The following PLPPR1 variants were observed in gnomAD, a reference collection of about 807,000 sequenced individuals.
The protein encoded by PLPPR1 is phospholipid phosphatase-related protein type 1.
PLPPR1 carries 10 observed loss-of-function variants against 33.1 expected under a neutral mutation model. That is an observed-to-expected ratio of 0.30 (90% CI 0.19 to 0.51). PLPPR1 has a LOEUF of 0.51. PLPPR1 is among the 20% of genes least tolerant of loss of function. The probability of loss-of-function intolerance (pLI) is 0.97; values close to 1 mark genes in which losing one functional copy is unlikely to be tolerated. For missense variants in PLPPR1, 304 were observed against 408.1 expected, an observed-to-expected ratio of 0.74 and a Z score of 2.20; for synonymous variants, 151 against 151.0, an observed-to-expected ratio of 1.00 and a Z score of 0.00.
intron 4 of PLPPR1, among the ~76,000 whole-genome samples, chr9:101,300,014 A>G (rs1052358254): frequency 1.3e-5 from 2 of 152,134 alleles, no homozygotes; most frequent in African/African-American, 4.8e-5. Flanking sequence ...TTTTTTAAGT[A>G]TATTTCAAAG....
intron 2 of PLPPR1, among the ~76,000 whole-genome samples, chr9:101,230,369 A>G (rs1056697526): frequency 5.3e-5 from 8 of 152,106 alleles, no homozygotes; most frequent in African/African-American, 1.9e-4. Context: ...ATGGAAAGAC[A>G]CCCGTAAGGG....
chr9:101,141,030 T>C (rs758118656), intron 1 of PLPPR1, among the ~76,000 whole-genome samples: 32 of 152,248 alleles, frequency 2.1e-4, no homozygotes, highest in Non-Finnish European at 3.5e-4. Context: ...AATATGGAAG[T>C]TTCTGTTTGG....
At chr9:101,262,408 C>A (rs1166331509) in intron 2 of PLPPR1, among the ~76,000 whole-genome samples, 1 of 152,178 alleles carries the variant, frequency 6.6e-6, no homozygotes, top group Non-Finnish European at 1.5e-5. Flanking sequence ...CTCTTCCATT[C>A]TATTTCAGAG....
Position 101,029,005 on chromosome 9 carries a change from G to A in PLPPR1, c.-143G>A, listed in dbSNP as rs998166574. ...TCCCACGCAAGCGGAATGCAGCAGC[G>A]CCTGGAGAGCGTGTCTCGGACCGCC... is the stretch of plus-strand genomic sequence containing the variant. On this transcript the variant is annotated 5_prime_UTR_variant, in exon 1 of 8. Coordinates refer to ENST00000374874, the MANE Select transcript of PLPPR1 (RefSeq NM_207299.2). 3 of 152,870 alleles carry A rather than the reference G, an allele frequency of 2.0e-5. No individual in the cohort carries two copies. Among genetic ancestry groups the A allele is most frequent in the African/African-American group, 7.2e-5 (3 of 41,466 alleles). The allele number at this position is 152,870 out of a possible 1,614,324, so 9.5% of individuals were successfully genotyped here.
intron 1 of PLPPR1, among the ~76,000 whole-genome samples, chr9:101,130,175 C>T (rs1400359749): frequency 6.6e-6 from 1 of 152,108 alleles, no homozygotes; most frequent in South Asian, 2.1e-4. Flanking sequence ...GTCAATTATA[C>T]CTCATGAAGC....
intron 1 of PLPPR1, among the ~76,000 whole-genome samples, chr9:101,135,101 A>C (rs1384149579): frequency 6.6e-6 from 1 of 152,214 alleles, no homozygotes; most frequent in African/African-American, 2.4e-5. Flanking sequence ...TTGCAACTGC[A>C]TCACAGTGTG....
intron 3 of PLPPR1, among the ~76,000 whole-genome samples, chr9:101,284,211 C>T (rs549097263): frequency 6.6e-6 from 1 of 151,936 alleles, no homozygotes; most frequent in Non-Finnish European, 1.5e-5. Context: ...GCATTATTCC[C>T]AATAGCCAAG....
intron 4 of PLPPR1, among the ~76,000 whole-genome samples, chr9:101,300,230 G>A (rs1367695570): frequency 6.6e-6 from 1 of 152,014 alleles, no homozygotes; most frequent in South Asian, 2.1e-4. Context: ...CTGGAGTGCA[G>A]TAACATGACC....
intron 4 of PLPPR1, among the ~76,000 whole-genome samples, chr9:101,308,340 G>A (rs1408890639): frequency 6.6e-6 from 1 of 152,188 alleles, no homozygotes; most frequent in Non-Finnish European, 1.5e-5. Flanking sequence ...GATAAGGAAT[G>A]AAGGCAACTT....
intron 2 of PLPPR1, among the ~76,000 whole-genome samples, chr9:101,266,476 G>A (rs1278970975): frequency 4.6e-5 from 7 of 152,058 alleles, no homozygotes; most frequent in East Asian, 1.9e-4. Flanking sequence ...CTGGCTGCTC[G>A]GGGGAAGAGC....
chr9:101,323,963 G>A (rs1829203782), intron 7 of PLPPR1, 62 bp from the exon 8 acceptor site: 1 of 1,404,356 alleles, frequency 7.1e-7, no homozygotes, highest in South Asian at 1.2e-5. Flanking sequence ...TTAGGGACAA[G>A]TGAGTGTGCA....
At chr9:101,227,487 C>G (rs964742463) in intron 2 of PLPPR1, among the ~76,000 whole-genome samples, 2 of 151,776 alleles carry the variant, frequency 1.3e-5, no homozygotes, top group African/African-American at 4.9e-5. Context: ...CTTTTGCCCA[C>G]TTTTTAATGG....
intron 7 of PLPPR1, among the ~76,000 whole-genome samples, chr9:101,320,284 T>C (rs1444240090): frequency 1.3e-5 from 2 of 152,204 alleles, no homozygotes; most frequent in Non-Finnish European, 2.9e-5. Context: ...ACCCCTCTCA[T>C]GTGACTGTCA....
At chr9:101,257,836 AGATTAAGTG>A (rs1489409964) in intron 2 of PLPPR1, among the ~76,000 whole-genome samples, 1 of 140,016 alleles carries the variant, frequency 7.1e-6, no homozygotes, top group Non-Finnish European at 1.6e-5. Flanking sequence ...ATTTTTTTTT[AGATTAAGTG>A]GATTAATCTA....
intron 1 of PLPPR1, among the ~76,000 whole-genome samples, chr9:101,108,826 A>T (rs1045799806): frequency 4.6e-5 from 7 of 152,120 alleles, no homozygotes; most frequent in Admixed American, 4.6e-4. Flanking sequence ...ATGTGTTTTT[A>T]TGTTAATATG....
chr9:101,314,156 C>T (rs966059811), intron 6 of PLPPR1, among the ~76,000 whole-genome samples: 1 of 152,176 alleles, frequency 6.6e-6, no homozygotes. Flanking sequence ...CAGGAAGCCT[C>T]CCCAAGGAGA....
intron 2 of PLPPR1, among the ~76,000 whole-genome samples, chr9:101,247,601 A>G (rs1827634780): frequency 6.6e-6 from 1 of 152,028 alleles, no homozygotes. Flanking sequence ...GTCTGGTATT[A>G]CCATCTAGCT....
At chr9:101,193,133 G>A (rs751151429) in intron 2 of PLPPR1, among the ~76,000 whole-genome samples, 43 of 152,272 alleles carry the variant, frequency 2.8e-4, no homozygotes, top group Non-Finnish European at 5.6e-4. Flanking sequence ...ACAAAGAAGA[G>A]AAGAGAATGT....
At position 101,157,000 on chromosome 9, in the gene PLPPR1, G is replaced by A. The variant is rs530646365; in HGVS notation, c.-45-28450G>A. ...CCACTTATTACAGAAGGATCATTTGGTAGCAGTATTGAGGAAGGATTAATG... is the reference window on the plus strand; with the variant it reads ...CCACTTATTACAGAAGGATCATTTGATAGCAGTATTGAGGAAGGATTAATG... On this transcript the variant is annotated intron_variant, in intron 1 of 7. Coordinates refer to ENST00000374874, the MANE Select transcript of PLPPR1 (RefSeq NM_207299.2). Among the ~76,000 whole-genome samples the A allele has an allele frequency of 2.0e-5, 3 of 152,316 alleles. No homozygotes were observed. The South Asian group carries it at 6.2e-4, about 32-fold the overall frequency.
Sources: gnomAD v4.1 joint callset for allele counts (sites outside exome capture counted in the v4.1 genomes callset) on GRCh38, gnomAD v4.1.1 for gene constraint, MANE v1.5 for transcripts, NCBI Gene and HGNC (gene_info 2026-07-23, HGNC 2026-07-21) for gene names.